Variants in PTGIS observed in about 807,000 individuals in gnomAD.
The protein encoded by PTGIS is prostaglandin I2 synthase.
PTGIS carries 45 observed loss-of-function variants against 50.3 expected under a neutral mutation model. The ratio of observed to expected loss-of-function variants is 0.90; its 90% confidence interval spans 0.70 to 1.15. The LOEUF (loss-of-function observed/expected upper bound fraction) is 1.15. Among genes scored for constraint, PTGIS ranks in the 50% most tolerant of loss-of-function variants. PTGIS has a pLI of 0.00. For synonymous variants in PTGIS, 260 were observed against 267.7 expected (o/e 0.97, Z 0.28); for missense variants, 668 against 661.3 (o/e 1.01, Z -0.11).
chr20:49,565,360 C>T (rs1295436234), intron 1 of PTGIS, among the ~76,000 whole-genome samples: 1 of 152,170 alleles, frequency 6.6e-6, no homozygotes, highest in East Asian at 1.9e-4. Context: ...AGAATTCATT[C>T]TTCCTGTGAA....
chr20:49,533,157 G>GT (rs1448430220), intron 5 of PTGIS, among the ~76,000 whole-genome samples: 4 of 152,112 alleles, frequency 2.6e-5, no homozygotes, highest in Non-Finnish European at 5.9e-5. Context: ...TACCTCTCAA[G>GT]TTTTTTCTGG....
intron 5 of PTGIS, among the ~76,000 whole-genome samples, chr20:49,525,947 G>T (rs920757061): frequency 6.6e-6 from 1 of 152,022 alleles, no homozygotes; most frequent in Non-Finnish European, 1.5e-5. Context: ...CAAATAATAC[G>T]CTGAATATGT....
intron 4 of PTGIS, among the ~76,000 whole-genome samples, chr20:49,543,406 A>G (rs558970429): frequency 6.6e-6 from 1 of 152,294 alleles, no homozygotes; most frequent in South Asian, 2.1e-4. Context: ...AAACTAAGTT[A>G]GATCATGTCC....
At position 49,514,344 on chromosome 20, in the gene PTGIS, G is replaced by C. The variant is rs746923330; in HGVS notation, c.907C>G (p.Pro303Ala). 1 of 1,614,020 alleles carries C rather than the reference G, an allele frequency of 6.2e-7. No homozygotes were observed. Among genetic ancestry groups the C allele is most frequent in the Admixed American group, 1.7e-5 (1 of 60,002 alleles). ...CCGCGGACAGCAGCCAGGGCTTCAG[G>C]ATTCTTGAGAAGGAAGAGCAGGAGC... is the stretch of plus-strand genomic sequence containing the variant. ...FWLLLFLLKNPEALAAVRGEL... is the reference protein window; with the variant it reads ...FWLLLFLLKNAEALAAVRGEL... The change falls in exon 7 of 10, where the codon CCT becomes GCT. Residue 303 changes from proline to alanine, a missense_variant. Physicochemically the swap from Pro to Ala is conservative, Grantham distance 27. Coordinates refer to ENST00000244043, the MANE Select transcript of PTGIS (RefSeq NM_000961.4).
At chr20:49,534,802 C>T (rs1409432487) in intron 5 of PTGIS, among the ~76,000 whole-genome samples, 2 of 152,134 alleles carry the variant, frequency 1.3e-5, no homozygotes, top group Non-Finnish European at 2.9e-5. Context: ...ACACAAACAG[C>T]CGGCTCATAA....
chr20:49,541,993 G>A (rs1411543230), intron 4 of PTGIS, among the ~76,000 whole-genome samples: 2 of 152,184 alleles, frequency 1.3e-5, no homozygotes, highest in Non-Finnish European at 2.9e-5. Context: ...ACCTCTCTGA[G>A]CAGGTGGCGC....
At chr20:49,552,384 T>A (rs8115597) in intron 1 of PTGIS, among the ~76,000 whole-genome samples, 12,673 of 152,158 alleles carry the variant, frequency 0.083, 1,643 homozygotes, top group African/African-American at 0.28. Flanking sequence ...TAAATTTAAA[T>A]CTACCTATCT....
Position 49,514,324 on chromosome 20 carries a change from G to T in PTGIS, c.927C>A (p.Val309=), listed in dbSNP as rs1446196675. The T allele has an allele frequency of 1.4e-5, 22 of 1,613,994 alleles. No individual in the cohort carries two copies. The highest frequency in any genetic ancestry group is 1.9e-5 in the Non-Finnish European group (22 of 1,180,052). The stretch of plus-strand genomic sequence containing the variant: ...AAAGGATACTCTCGAGCTCTCCGCG[G>T]ACAGCAGCCAGGGCTTCAGGATTCT... ...LLKNPEALAA[V]RGELESILWQ... The change falls in exon 7 of 10, where the codon GTC becomes GTA. Residue 309 remains valine (V), a synonymous_variant. Coordinates refer to ENST00000244043, the MANE Select transcript of PTGIS (RefSeq NM_000961.4).
intron 6 of PTGIS, among the ~76,000 whole-genome samples, chr20:49,520,422 C>T (rs1981619632): frequency 6.6e-6 from 1 of 151,922 alleles, no homozygotes; most frequent in Non-Finnish European, 1.5e-5. Context: ...CAACCTCCAC[C>T]TCCCGGGTTC....
At chr20:49,544,688 T>G (rs1982314651) in intron 3 of PTGIS, among the ~76,000 whole-genome samples, 2 of 152,186 alleles carry the variant, frequency 1.3e-5, no homozygotes, top group Admixed American at 1.3e-4. Flanking sequence ...GAATAAGAGT[T>G]ACTATTATGA....
At chr20:49,518,686 C>T (rs1229277709) in intron 6 of PTGIS, among the ~76,000 whole-genome samples, 1 of 151,908 alleles carries the variant, frequency 6.6e-6, no homozygotes, top group Non-Finnish European at 1.5e-5. Flanking sequence ...AAAACCAACC[C>T]TCTTTACAGA....
chr20:49,506,849 A>T lies in PTGIS; in HGVS notation c.*1071T>A, dbSNP rs1394094544. 1 of 152,274 alleles carries T rather than the reference A, an allele frequency of 6.6e-6. No homozygotes were observed. Among genetic ancestry groups the T allele is most frequent in the African/African-American group, 2.4e-5 (1 of 41,448 alleles). 9.4% of individuals were successfully genotyped at this position (152,274 alleles called of 1,614,324 possible). Reference sequence around the variant, plus strand: ...TGAATGCAGAAGCAGACCCGGTCAGAACCCTGGTGAAGCCGAGAGCACATG... The same window carrying T: ...TGAATGCAGAAGCAGACCCGGTCAGTACCCTGGTGAAGCCGAGAGCACATG... On this transcript the variant is annotated 3_prime_UTR_variant, in exon 10 of 10. Transcript: ENST00000244043.
chr20:49,504,972 A>C lies in PTGIS; in HGVS notation c.*2948T>G, dbSNP rs542519023. On this transcript the variant is annotated 3_prime_UTR_variant, in exon 10 of 10. Coordinates refer to ENST00000244043, the MANE Select transcript of PTGIS (RefSeq NM_000961.4). ...ATCCCATCTCTACTAAAAATCCAAAAATTAGCCGGGTGTGGTGGCGGGTGC... is the reference window on the plus strand; with the variant it reads ...ATCCCATCTCTACTAAAAATCCAAACATTAGCCGGGTGTGGTGGCGGGTGC... 4 of 152,012 alleles carry C rather than the reference A, an allele frequency of 2.6e-5. No homozygotes were observed. In the East Asian group the frequency reaches 5.8e-4, roughly 22 times the overall value. The allele number at this position is 152,012 out of a possible 1,614,324, so 9.4% of individuals were successfully genotyped here.
At chr20:49,535,255 G>A (rs1008429786) in intron 5 of PTGIS, among the ~76,000 whole-genome samples, 3 of 152,244 alleles carry the variant, frequency 2.0e-5, no homozygotes, top group East Asian at 1.9e-4. Flanking sequence ...TTAGGTAGGC[G>A]GATGAATTGC....
intron 2 of PTGIS, 146 bp from the exon 3 acceptor site, chr20:49,548,165 C>G: frequency 1.3e-6 from 1 of 784,568 alleles, no homozygotes; most frequent in South Asian, 1.5e-5. Flanking sequence ...CTACCACCTA[C>G]CACCCTGTGA....
chr20:49,546,688 C>T (rs1982370467), intron 3 of PTGIS, among the ~76,000 whole-genome samples: 1 of 152,208 alleles, frequency 6.6e-6, no homozygotes, highest in African/African-American at 2.4e-5. Context: ...GAGCAAGTCA[C>T]TTCACCTCTC....
At chr20:49,534,943 T>C (rs528071308) in intron 5 of PTGIS, among the ~76,000 whole-genome samples, 63 of 152,202 alleles carry the variant, frequency 4.1e-4, no homozygotes, top group African/African-American at 6.5e-4. Context: ...GAGGTCAAGA[T>C]TGCAGTGAGC....
At chr20:49,555,647 T>C (rs959831166) in intron 1 of PTGIS, among the ~76,000 whole-genome samples, 1 of 152,254 alleles carries the variant, frequency 6.6e-6, no homozygotes, top group African/African-American at 2.4e-5. Context: ...GTGATTCTGA[T>C]ATGACTTAGT....
chr20:49,518,891 G>A lies in PTGIS; in HGVS notation c.856-4496C>T, dbSNP rs1439791106. Among the ~76,000 whole-genome samples, 9 of 152,214 alleles carry A rather than the reference G, an allele frequency of 5.9e-5. 1 individual carries two copies. The highest frequency in any genetic ancestry group is 2.9e-5 in the Non-Finnish European group (2 of 67,990). The stretch of plus-strand genomic sequence containing the variant: ...GCTATGTGCAGGCCCAGCAGCTCCC[G>A]TGGCCCCCTCCCCTACCTCTCAGGA... On this transcript the variant is annotated intron_variant, in intron 6 of 9. Transcript: ENST00000244043.
Sources: gnomAD v4.1 joint callset for allele counts (sites outside exome capture counted in the v4.1 genomes callset) on GRCh38, gnomAD v4.1.1 for gene constraint, MANE v1.5 for transcripts, NCBI Gene and HGNC (gene_info 2026-07-23, HGNC 2026-07-21) for gene names.